DGKB: variants seen among roughly 807,000 people sequenced by gnomAD.
DGKB encodes 90 kDa diacylglycerol kinase.
DGKB carries 67 observed loss-of-function variants against 114.3 expected under a neutral mutation model. That is an observed-to-expected ratio of 0.59 (90% CI 0.48 to 0.72). The LOEUF is 0.72. Among genes scored for constraint, DGKB ranks in the 30% least tolerant of loss-of-function variants. The probability of loss-of-function intolerance (pLI) is 0.00; values close to 1 mark genes in which losing one functional copy is unlikely to be tolerated. For missense variants in DGKB, 907 were observed against 975.2 expected, an observed-to-expected ratio of 0.93 and a Z score of 0.93; for synonymous variants, 398 against 323.1, an observed-to-expected ratio of 1.23 and a Z score of -2.49.
At chr7:14,487,853 T>C (rs903424587) in intron 20 of DGKB, among the ~76,000 whole-genome samples, 12 of 152,004 alleles carry the variant, frequency 7.9e-5, no homozygotes, top group Admixed American at 7.9e-4. Context: ...CCTCAAGTGA[T>C]TCTCCTACTT....
At chr7:14,266,785 T>C (rs988466685) in intron 23 of DGKB, among the ~76,000 whole-genome samples, 2 of 152,210 alleles carry the variant, frequency 1.3e-5, no homozygotes, top group Non-Finnish European at 2.9e-5. Context: ...ATTGTTTAAC[T>C]AAATAGACAA....
At chr7:14,655,480 T>G (rs1340288255) in intron 13 of DGKB, among the ~76,000 whole-genome samples, 2 of 151,780 alleles carry the variant, frequency 1.3e-5, no homozygotes, top group Admixed American at 6.6e-5. Context: ...GTATGGAGGT[T>G]CCTTAAAAAA....
chr7:14,316,126 T>C (rs1050505637), intron 23 of DGKB, among the ~76,000 whole-genome samples: 268 of 151,474 alleles, frequency 1.8e-3, no homozygotes, highest in African/African-American at 4.9e-3. Context: ...TGGGATGCAT[T>C]CAAAGCAGTG....
At chr7:14,632,356 C>T (rs1394472497) in intron 13 of DGKB, among the ~76,000 whole-genome samples, 1 of 151,446 alleles carries the variant, frequency 6.6e-6, no homozygotes, top group African/African-American at 2.4e-5. Flanking sequence ...TGGTGTTAGG[C>T]TATGTGCAGC....
At chr7:14,617,206 C>A (rs1193788376) in intron 15 of DGKB, among the ~76,000 whole-genome samples, 1 of 151,600 alleles carries the variant, frequency 6.6e-6, no homozygotes, top group African/African-American at 2.4e-5. Flanking sequence ...ACATATTGGT[C>A]TACCTACTTG....
At chr7:14,801,862 GTATA>G (rs1162112762) in intron 2 of DGKB, among the ~76,000 whole-genome samples, 1 of 149,184 alleles carries the variant, frequency 6.7e-6, no homozygotes, top group African/African-American at 2.5e-5. Flanking sequence ...ATATATACAT[GTATA>G]TATATACATA....
chr7:14,450,441 GA>G (rs1831317736), intron 21 of DGKB, among the ~76,000 whole-genome samples: 1 of 152,088 alleles, frequency 6.6e-6, no homozygotes, highest in South Asian at 2.1e-4. Flanking sequence ...TATATAATAA[GA>G]AGGCACAGTG....
intron 2 of DGKB, among the ~76,000 whole-genome samples, chr7:14,824,023 G>C (rs973075077): frequency 6.6e-6 from 1 of 152,164 alleles, no homozygotes; most frequent in Non-Finnish European, 1.5e-5. Context: ...GAGGGTCAAA[G>C]TCAAGTCTTA....
chr7:14,697,870 T>C (rs143784845), intron 8 of DGKB, among the ~76,000 whole-genome samples: 41 of 90,158 alleles, frequency 4.5e-4, no homozygotes, highest in African/African-American at 1.8e-3. Context: ...GGAAGGAAGG[T>C]AGGAGGGAGG....
intron 2 of DGKB, among the ~76,000 whole-genome samples, chr7:14,837,903 A>C (rs1178918355): frequency 6.6e-6 from 1 of 152,150 alleles, no homozygotes; most frequent in Non-Finnish European, 1.5e-5. Context: ...AGCACTTTTC[A>C]TGTTGTCTTT....
intron 1 of DGKB, among the ~76,000 whole-genome samples, chr7:14,841,728 C>T (rs1233514204): frequency 6.6e-6 from 1 of 152,048 alleles, no homozygotes; most frequent in East Asian, 1.9e-4. Context: ...CCTAAATTAT[C>T]CAAGGAGGCT....
intron 20 of DGKB, among the ~76,000 whole-genome samples, chr7:14,569,220 G>C (rs748735271): frequency 7.9e-5 from 12 of 152,096 alleles, no homozygotes; most frequent in Admixed American, 1.3e-4. Context: ...AAATCTTTCA[G>C]GGAGGAATGC....
chr7:14,457,345 C>A (rs1480278328), intron 21 of DGKB, among the ~76,000 whole-genome samples: 1 of 152,050 alleles, frequency 6.6e-6, no homozygotes, highest in African/African-American at 2.4e-5. Flanking sequence ...TCTTATCTAA[C>A]TGGGTAAAGT....
At chr7:14,152,735 G>T (rs1782410262) in intron 25 of DGKB, among the ~76,000 whole-genome samples, 1 of 152,062 alleles carries the variant, frequency 6.6e-6, no homozygotes, top group South Asian at 2.1e-4. Flanking sequence ...CAGAATCAAA[G>T]ATTACAAAGC....
At chr7:14,692,529 C>T (rs999853405) in intron 9 of DGKB, among the ~76,000 whole-genome samples, 11 of 151,546 alleles carry the variant, frequency 7.3e-5, no homozygotes, top group Non-Finnish European at 1.5e-4. Context: ...TGGTTTTTGT[C>T]ATAAGGTACA....
At chr7:14,389,298 G>T (rs1263556777) in intron 21 of DGKB, among the ~76,000 whole-genome samples, 1 of 152,156 alleles carries the variant, frequency 6.6e-6, no homozygotes, top group Non-Finnish European at 1.5e-5. Flanking sequence ...TGTGAGCCTT[G>T]CACACCATTA....
intron 21 of DGKB, among the ~76,000 whole-genome samples, chr7:14,402,402 CT>C (rs138501298): frequency 6.6e-6 from 1 of 151,516 alleles, no homozygotes; most frequent in East Asian, 1.9e-4. Context: ...ATTGCTTTTG[CT>C]TTTTTTTCCT....
chr7:14,237,471 C>T lies in DGKB; in HGVS notation c.2123-59320G>A, dbSNP rs558123386. On this transcript the variant is annotated intron_variant, in intron 23 of 25. Transcript: ENST00000402815. ...TCTTTAATGTAGTGTGTTCAATCCACTAACGTCCTTGCCTAGGCCACCAAA... is the reference window on the plus strand; with the variant it reads ...TCTTTAATGTAGTGTGTTCAATCCATTAACGTCCTTGCCTAGGCCACCAAA... Among the ~76,000 whole-genome samples the T allele has an allele frequency of 4.6e-5, 7 of 151,672 alleles. No homozygotes were observed. In the East Asian group the frequency reaches 9.7e-4, roughly 21 times the overall value.
In DGKB at chr7:14,508,698, C is replaced by G. The variant is rs117318956; in HGVS notation, c.1771-30473G>C. On this transcript the variant is annotated intron_variant, in intron 20 of 25. Transcript: ENST00000402815. The stretch of plus-strand genomic sequence containing the variant: ...AGAGCATCTGTTAGATAAGTTGATA[C>G]TGAACTTCTAGAGGTAAGGTTGAAA... 2.4e-3 allele frequency among the ~76,000 whole-genome samples: 363 copies of G among 152,228 alleles called. 1 individual carries two copies. The highest frequency in any genetic ancestry group is 5.0e-3 in the South Asian group (24 of 4,826).
Sources: gnomAD v4.1 joint callset for allele counts (sites outside exome capture counted in the v4.1 genomes callset) on GRCh38, gnomAD v4.1.1 for gene constraint, MANE v1.5 for transcripts, NCBI Gene and HGNC (gene_info 2026-07-23, HGNC 2026-07-21) for gene names.